PPP2R5C: variants seen among roughly 807,000 people sequenced by gnomAD.
PPP2R5C encodes the protein protein phosphatase 2 regulatory subunit B'gamma.
In PPP2R5C, 7 loss-of-function variants were observed where a neutral mutation model predicts 68.9. The ratio of observed to expected loss-of-function variants is 0.10; its 90% CI spans 0.06 to 0.19. PPP2R5C has a LOEUF of 0.19. Among genes scored for constraint, PPP2R5C ranks in the 10% least tolerant of loss-of-function variants. The pLI, the probability that PPP2R5C is intolerant of heterozygous loss-of-function variation, is 1.00. For missense variants in PPP2R5C, 348 were observed against 641.3 expected, an observed-to-expected ratio of 0.54 and a Z score of 4.94; for synonymous variants, 210 against 222.2, an observed-to-expected ratio of 0.95 and a Z score of 0.49.
At chr14:101,816,510 A>G (rs1333711131) in intron 1 of PPP2R5C, among the ~76,000 whole-genome samples, 1 of 152,196 alleles carries the variant, frequency 6.6e-6, no homozygotes, top group Non-Finnish European at 1.5e-5. Flanking sequence ...TCCTTGTTCT[A>G]AAAAGTGTGA....
At chr14:101,912,305 C>T (rs1227090013) in intron 11 of PPP2R5C, 96 bp from the exon 14 acceptor site, 6 of 1,054,422 alleles carry the variant, frequency 5.7e-6, no homozygotes, top group African/African-American at 1.6e-5. Flanking sequence ...CGGGAGGAGC[C>T]GCTGGCTGGG....
intron 1 of PPP2R5C, among the ~76,000 whole-genome samples, chr14:101,850,708 A>T (rs1460127261): frequency 6.6e-6 from 1 of 152,170 alleles, no homozygotes; most frequent in Non-Finnish European, 1.5e-5. Flanking sequence ...GAAGAGAGAG[A>T]GCCCTGCCTG....
intron 3 of PPP2R5C, among the ~76,000 whole-genome samples, chr14:101,795,834 CT>C (rs1345518299): frequency 6.6e-6 from 1 of 152,062 alleles, no homozygotes; most frequent in African/African-American, 2.4e-5. Flanking sequence ...AGTTTATTTT[CT>C]TTTTTGAGAC....
intron 12 of PPP2R5C, chr14:101,914,033 C>T (rs2046525815): frequency 5.3e-6 from 2 of 379,532 alleles, no homozygotes; most frequent in Admixed American, 6.4e-5. Flanking sequence ...TTCACTACTG[C>T]ACATACTGTA....
At chr14:101,893,138 G>T in intron 7 of PPP2R5C, 30 bp downstream of exon 9, 1 of 1,458,428 alleles carries the variant, frequency 6.9e-7, no homozygotes, top group Non-Finnish European at 9.6e-7. Flanking sequence ...TAGGAACACA[G>T]CTGTTGGCAT....
chr14:101,910,523 A>G (rs1215769489), intron 11 of PPP2R5C, among the ~76,000 whole-genome samples: 3 of 152,228 alleles, frequency 2.0e-5, no homozygotes, highest in African/African-American at 7.2e-5. Flanking sequence ...ATAGCAATGA[A>G]TAAAACCCAC....
At chr14:101,831,403 G>A (rs1231457160) in intron 1 of PPP2R5C, among the ~76,000 whole-genome samples, 3 of 152,204 alleles carry the variant, frequency 2.0e-5, no homozygotes, top group Admixed American at 2.0e-4. Context: ...AGCCAGTTAG[G>A]AGGACTAGTT....
At chr14:101,772,281 C>T (rs1249564647) in intron 2 of PPP2R5C, among the ~76,000 whole-genome samples, 1 of 151,786 alleles carries the variant, frequency 6.6e-6, no homozygotes, top group East Asian at 1.9e-4. Context: ...AGAGGGAATG[C>T]ATGGTGAGAC....
intron 13 of PPP2R5C, among the ~76,000 whole-genome samples, chr14:101,918,413 C>T (rs1364671442): frequency 3.7e-5 from 4 of 107,334 alleles, no homozygotes; most frequent in Admixed American, 1.8e-4. Context: ...TCCCCCCTTG[C>T]CCCCTCACCC....
upstream of PPP2R5C, chr14:101,809,848 T>A: frequency 6.7e-7 from 1 of 1,502,192 alleles, no homozygotes; most frequent in Non-Finnish European, 8.9e-7. Flanking sequence ...TCCCTCCAGC[T>A]GCAGAGAGCT....
At position 101,879,066 on chromosome 14, in the gene PPP2R5C, C is replaced by G. The variant is rs1188899372; in HGVS notation, c.295-3095C>G. 6.6e-6 allele frequency among the ~76,000 whole-genome samples: 1 copy of G among 152,228 alleles called. No homozygotes were observed. Among genetic ancestry groups the G allele is most frequent in the Non-Finnish European group, 1.5e-5 (1 of 68,042 alleles). On this transcript the variant is annotated intron_variant, in intron 2 of 13. Transcript: ENST00000334743. This position sits in a 1 kb window ranked among gnomAD's most constrained non-coding sequence, Gnocchi z 4.2. ...TAGGTTAAAGCTTTCATCTCAGACC[C>G]TCTGCAAATGGCATCTAAGCCGCAC...
At chr14:101,785,765 T>G (rs2038063257) in intron 2 of PPP2R5C, among the ~76,000 whole-genome samples, 2 of 152,186 alleles carry the variant, frequency 1.3e-5, no homozygotes, top group Admixed American at 1.3e-4. Flanking sequence ...CATCAACCTA[T>G]GTGGTAAATA....
At position 101,891,721 on chromosome 14, in the gene PPP2R5C, G is replaced by A. The variant is rs1164380892; in HGVS notation, c.690-1279G>A. 6.6e-6 allele frequency among the ~76,000 whole-genome samples: 1 copy of A among 152,150 alleles called. No individual in the cohort carries two copies. The highest frequency in any genetic ancestry group is 1.5e-5 in the Non-Finnish European group (1 of 68,026). ...GTGAGTGAGCACACCCTCCTTGATG[G>A]GCCGCTCCAGGCTCGCCCTTCCCGC... On this transcript the variant is annotated intron_variant, in intron 6 of 13. Coordinates refer to ENST00000334743, the Ensembl canonical transcript of PPP2R5C. This position sits in a 1 kb window ranked among gnomAD's most constrained non-coding sequence, Gnocchi z 4.9.
At chr14:101,920,171 T>A (rs2046935615) in intron 13 of PPP2R5C, among the ~76,000 whole-genome samples, 2 of 152,184 alleles carry the variant, frequency 1.3e-5, no homozygotes, top group Non-Finnish European at 2.9e-5. Context: ...AAGAACTTGA[T>A]CAAGAATGCA....
chr14:101,817,271 A>T (rs901116620), intron 1 of PPP2R5C, among the ~76,000 whole-genome samples: 10 of 152,262 alleles, frequency 6.6e-5, no homozygotes, highest in South Asian at 4.1e-4. Context: ...ATATATTTTT[A>T]AAAAATAAGG....
At chr14:101,831,253 G>A (rs2040717977) in intron 1 of PPP2R5C, among the ~76,000 whole-genome samples, 1 of 152,136 alleles carries the variant, frequency 6.6e-6, no homozygotes, top group Non-Finnish European at 1.5e-5. Flanking sequence ...ATGTTGGCAT[G>A]GATATCTTAA....
chr14:101,898,619 C>T (rs1353342123), intron 8 of PPP2R5C, among the ~76,000 whole-genome samples: 1 of 152,202 alleles, frequency 6.6e-6, no homozygotes, highest in Non-Finnish European at 1.5e-5. Context: ...GTAAATGTTA[C>T]ATGCAGGACT....
rs148520850 is a variant in PPP2R5C, at chr14:101,763,190, G to A, written c.93+220G>A. ...TTTATGAAAATTGTGCTTGCCTATGGGGTTTGTTTGTGGGTCTTTTGGGGT... is the reference window on the plus strand; with the variant it reads ...TTTATGAAAATTGTGCTTGCCTATGAGGTTTGTTTGTGGGTCTTTTGGGGT... On this transcript the variant is annotated intron_variant, in intron 2 of 14. Coordinates refer to the PPP2R5C transcript ENST00000328724. 9.3e-4 allele frequency among the ~76,000 whole-genome samples: 142 copies of A among 151,940 alleles called. No individual in the cohort carries two copies. The East Asian group carries it at 0.023, about 25-fold the overall frequency.
In PPP2R5C at chr14:101,881,233, C is replaced by G. The variant is rs573140417; in HGVS notation, c.295-928C>G. On this transcript the variant is annotated intron_variant, in intron 2 of 13. Coordinates refer to ENST00000334743, the Ensembl canonical transcript of PPP2R5C. Reference sequence around the variant, plus strand: ...GTGAAACCGTGGTGAAATCCCATCTCTACTAAAAATACAAAAATTAGCCAG... The same window carrying G: ...GTGAAACCGTGGTGAAATCCCATCTGTACTAAAAATACAAAAATTAGCCAG... 1.1e-4 allele frequency among the ~76,000 whole-genome samples: 16 copies of G among 152,008 alleles called. No homozygotes were observed. The South Asian group carries it at 3.3e-3, about 32-fold the overall frequency.
Sources: gnomAD v4.1 joint callset for allele counts (sites outside exome capture counted in the v4.1 genomes callset) on GRCh38, gnomAD v4.1.1 for gene constraint, Gnocchi (gnomAD v3.1) non-coding constraint, MANE v1.5 for transcripts, NCBI Gene and HGNC (gene_info 2026-07-23, HGNC 2026-07-21) for gene names.